MTCL2: variants seen among roughly 807,000 people sequenced by gnomAD.
MTCL2 encodes the protein microtubule crosslinking factor 2, also known as microtubule cross-linking factor 2.
the MTCL2 span, among the ~76,000 whole-genome samples, chr20:36,818,781 A>G: frequency 6.6e-6 from 1 of 152,260 alleles, no homozygotes. Flanking sequence ...TGCAATGTAC[A>G]ACACCAACAA....
the MTCL2 span, among the ~76,000 whole-genome samples, chr20:36,845,731 TCA>T: frequency 6.6e-6 from 1 of 152,122 alleles, no homozygotes; most frequent in South Asian, 2.1e-4. Context: ...TTCCAGAGGT[TCA>T]CAGTCCTCAG....
chr20:36,839,743 T>C, the MTCL2 span, among the ~76,000 whole-genome samples: 1 of 152,094 alleles, frequency 6.6e-6, no homozygotes, highest in Non-Finnish European at 1.5e-5. The surrounding 1 kb of genome is among the most constrained non-coding windows in gnomAD (Gnocchi z 5.1). Context: ...AGGAAGGGGG[T>C]GCCTCTCAAG....
chr20:36,808,410 G>C, the MTCL2 span: 1 of 904,304 alleles, frequency 1.1e-6, no homozygotes, highest in South Asian at 1.7e-5. Flanking sequence ...GCTGATGGCA[G>C]GTATGTGAGC....
chr20:36,824,819 A>AT, the MTCL2 span, among the ~76,000 whole-genome samples: 1 of 151,704 alleles, frequency 6.6e-6, no homozygotes, highest in Non-Finnish European at 1.5e-5. Context: ...GGTCCAGCTA[A>AT]TTTTTTAAAT....
the MTCL2 span, among the ~76,000 whole-genome samples, chr20:36,845,547 G>A: frequency 2.0e-5 from 3 of 152,256 alleles, no homozygotes; most frequent in South Asian, 6.2e-4. Context: ...GTGAGAGGGT[G>A]AGCTGACAAA....
chr20:36,822,692 G>A, the MTCL2 span, among the ~76,000 whole-genome samples: 1 of 152,184 alleles, frequency 6.6e-6, no homozygotes, highest in African/African-American at 2.4e-5. Context: ...CAAATCTGGA[G>A]GAGATGTTTG....
chr20:36,827,357 CTT>C, the MTCL2 span, among the ~76,000 whole-genome samples: 29 of 116,334 alleles, frequency 2.5e-4, no homozygotes, highest in South Asian at 5.7e-4. Flanking sequence ...CTGGACCCCC[CTT>C]TTTTTTTTTT....
chr20:36,855,975 TA>T, the MTCL2 span, among the ~76,000 whole-genome samples: 1 of 152,052 alleles, frequency 6.6e-6, no homozygotes. Context: ...TGCAGACACA[TA>T]AAAGGAGGTG....
At chr20:36,827,552 G>A in the MTCL2 span, among the ~76,000 whole-genome samples, 37 of 151,596 alleles carry the variant, frequency 2.4e-4, no homozygotes, top group Non-Finnish European at 3.8e-4. Context: ...GGCTGGTCTC[G>A]AACTCCTAGG....
chr20:36,815,024 T>G, the MTCL2 span: 1 of 1,167,660 alleles, frequency 8.6e-7, no homozygotes, highest in Middle Eastern at 2.4e-4. The surrounding 1 kb of genome is among the most constrained non-coding windows in gnomAD (Gnocchi z 5.3). Context: ...ATTGCACCAC[T>G]GCACTTCAGC....
chr20:36,810,729 T>TCTCTCTCTCTCC, the MTCL2 span, among the ~76,000 whole-genome samples: 2 of 145,878 alleles, frequency 1.4e-5, no homozygotes, highest in Non-Finnish European at 3.0e-5. Flanking sequence ...TCTCTCTCTC[T>TCTCTCTCTCTCC]CTCTCTCTCT....
the MTCL2 span, among the ~76,000 whole-genome samples, chr20:36,857,018 G>GT: frequency 1.3e-5 from 2 of 152,242 alleles, no homozygotes; most frequent in Admixed American, 1.3e-4. Flanking sequence ...TAAGCCTCGG[G>GT]TAGGTGTGCA....
the MTCL2 span, among the ~76,000 whole-genome samples, chr20:36,842,563 G>A: frequency 6.6e-6 from 1 of 152,218 alleles, no homozygotes. Context: ...CCTGAGGCCA[G>A]GAGTTCAAGA....
chr20:36,856,243 G>C, the MTCL2 span, among the ~76,000 whole-genome samples: 1,272 of 152,312 alleles, frequency 8.4e-3, 15 homozygotes, highest in African/African-American at 0.028. Context: ...TGGGCACAGA[G>C]ACAGCCACTT....
At chr20:36,829,764 G>A in the MTCL2 span, among the ~76,000 whole-genome samples, 4 of 152,022 alleles carry the variant, frequency 2.6e-5, no homozygotes, top group Admixed American at 6.6e-5. Context: ...TTGGGAGGTC[G>A]AGACAGGTGG....
At chr20:36,804,691 G>A in the MTCL2 span, 4 of 1,599,980 alleles carry the variant, frequency 2.5e-6, no homozygotes, top group Admixed American at 6.7e-5. Context: ...CTAAAGGCTT[G>A]GCTGAGAGTA....
At chr20:36,834,233 G>C in the MTCL2 span, among the ~76,000 whole-genome samples, 1 of 151,812 alleles carries the variant, frequency 6.6e-6, no homozygotes, top group Admixed American at 6.6e-5. Flanking sequence ...CCGTGTGGCT[G>C]AATCCTCCTA....
chr20:36,828,754 C>A, the MTCL2 span: 5 of 330,140 alleles, frequency 1.5e-5, no homozygotes, highest in Non-Finnish European at 2.8e-5. Flanking sequence ...TCAGTTAATC[C>A]TCCCACAGCG....
At chr20:36,852,478 G>C in the MTCL2 span, among the ~76,000 whole-genome samples, 6 of 152,178 alleles carry the variant, frequency 3.9e-5, no homozygotes, top group Non-Finnish European at 8.8e-5. Context: ...CATCACACTT[G>C]GACCCCAAAA....
Sources: gnomAD v4.1 joint callset for allele counts (sites outside exome capture counted in the v4.1 genomes callset) on GRCh38, gnomAD v4.1.1 for gene constraint, Gnocchi (gnomAD v3.1) non-coding constraint, MANE v1.5 for transcripts, NCBI Gene and HGNC (gene_info 2026-07-23, HGNC 2026-07-21) for gene names.